Variants in SLCO1C1 observed in about 807,000 individuals in gnomAD.
The protein encoded by SLCO1C1 is OAT-RP-5.
Under a neutral mutation model 76.4 loss-of-function variants are expected in SLCO1C1, and 70 were observed. The observed-to-expected ratio is 0.92, with a 90% CI of 0.76 to 1.12. The LOEUF (loss-of-function observed/expected upper bound fraction) is 1.12, where lower values mean the gene tolerates loss of function less well. Ranked by LOEUF, SLCO1C1 falls within the 50% of genes most tolerant of loss-of-function variation. The pLI is 0.00. For synonymous variants in SLCO1C1, 306 were observed against 286.1 expected (o/e 1.07, Z -0.70); for missense variants, 912 against 823.8 (o/e 1.11, Z -1.31).
chr12:20,732,662 A>G (rs944499919), intron 9 of SLCO1C1, among the ~76,000 whole-genome samples: 7 of 152,196 alleles, frequency 4.6e-5, no homozygotes, highest in African/African-American at 1.7e-4. Context: ...AAGACCAGAA[A>G]GATTTATTGA....
In SLCO1C1 at chr12:20,709,616, T is replaced by C. The variant is rs1237571889; in HGVS notation, c.405-1770T>C. Among the ~76,000 whole-genome samples, 2 of 15,548 alleles carry C rather than the reference T, an allele frequency of 1.3e-4. 1 individual carries two copies. The highest frequency in any genetic ancestry group is 0.01 in the East Asian group (2 of 198). 10.2% of individuals were successfully genotyped at this position (15,548 alleles called of 152,430 possible). On this transcript the variant is annotated intron_variant, in intron 4 of 14. Coordinates refer to ENST00000266509, the MANE Select transcript of SLCO1C1 (RefSeq NM_017435.5). ...TTGAAAACAGGCCGGGCGCGGTGGCTCACGCCTGTAATCCCAGCACTTTGG... is the reference window on the plus strand; with the variant it reads ...TTGAAAACAGGCCGGGCGCGGTGGCCCACGCCTGTAATCCCAGCACTTTGG...
chr12:20,708,770 G>A (rs990300773), intron 4 of SLCO1C1, among the ~76,000 whole-genome samples: 3 of 152,140 alleles, frequency 2.0e-5, no homozygotes, highest in African/African-American at 7.2e-5. Flanking sequence ...GGGAATGAGA[G>A]AATATGTCAA....
At chr12:20,709,046 G>T (rs967911746) in intron 4 of SLCO1C1, among the ~76,000 whole-genome samples, 2 of 152,266 alleles carry the variant, frequency 1.3e-5, no homozygotes, top group East Asian at 1.9e-4. Context: ...TTGGAGAATT[G>T]ATTCTGGTGG....
intron 10 of SLCO1C1, 92 bp from the exon 11 acceptor site, chr12:20,737,015 C>G: frequency 8.6e-7 from 1 of 1,166,566 alleles, no homozygotes; most frequent in Non-Finnish European, 1.1e-6. Context: ...TTCATAGTAT[C>G]ATTTATATCA....
Position 20,750,932 on chromosome 12 carries a change from T to C in SLCO1C1, c.1916+140T>C, listed in dbSNP as rs574268787. The C allele has an allele frequency of 5.1e-5, 74 of 1,449,958 alleles. 1 individual carries two copies. The African/African-American group carries it at 9.6e-4, about 19-fold the overall frequency. 89.8% of individuals were successfully genotyped at this position (1,449,958 alleles called of 1,614,324 possible). A position where few individuals can be genotyped will look rare whatever the true frequency, so the allele number is the denominator to read the frequency against. On this transcript the variant is annotated intron_variant, in intron 14 of 14. Transcript: ENST00000266509. ...TCTAATCAAAAAGTGTGATCTGTAG[T>C]CATAGAATAATTATATTATTATTTG...
At chr12:20,739,798 T>G (rs1029215810) in intron 11 of SLCO1C1, among the ~76,000 whole-genome samples, 1 of 152,150 alleles carries the variant, frequency 6.6e-6, no homozygotes, top group East Asian at 1.9e-4. Flanking sequence ...CTTTACTTAC[T>G]GGGTGGAAAG....
chr12:20,732,687 ATTAAT>A (rs1223916175), intron 9 of SLCO1C1, among the ~76,000 whole-genome samples: 21 of 152,180 alleles, frequency 1.4e-4, no homozygotes, highest in Admixed American at 3.3e-4. Flanking sequence ...TTTGGTATTT[ATTAAT>A]TTAATACTCT....
chr12:20,711,396 G>T lies in SLCO1C1; in HGVS notation c.415G>T (p.Glu139Ter). The change falls in exon 5 of 15, where the codon GAG becomes TAG. Residue 139 changes from glutamate (E) to a stop codon, truncating the protein, a stop_gained. Transcript: ENST00000266509. LOFTEE classifies it high-confidence loss of function. ...ATTCCTCTTATGCAGGTACAAATATGAGAGATATTCTCCTTCCTCCAATTC... is the reference window on the plus strand; with the variant it reads ...ATTCCTCTTATGCAGGTACAAATATTAGAGATATTCTCCTTCCTCCAATTC... ...PQFFMEQYKY[E>*]RYSPSSNSTL... 1.2e-6 allele frequency: 2 copies of T among 1,612,512 alleles called. No individual in the cohort carries two copies. The highest frequency in any genetic ancestry group is 2.2e-5 in the South Asian group (2 of 90,618).
chr12:20,748,185 A>T (rs1269144828), intron 13 of SLCO1C1, among the ~76,000 whole-genome samples: 6 of 152,192 alleles, frequency 3.9e-5, no homozygotes, highest in Non-Finnish European at 7.3e-5. Context: ...ATTAGGTGAT[A>T]TATCTCTAAA....
intron 9 of SLCO1C1, among the ~76,000 whole-genome samples, chr12:20,731,003 C>T (rs991406577): frequency 2.0e-5 from 3 of 152,190 alleles, no homozygotes; most frequent in African/African-American, 4.8e-5. Context: ...TGAGTCAACA[C>T]GCCTGTGGGT....
chr12:20,714,863 G>A (rs1445740529), intron 5 of SLCO1C1, among the ~76,000 whole-genome samples: 2 of 152,134 alleles, frequency 1.3e-5, no homozygotes, highest in Admixed American at 1.3e-4. Flanking sequence ...CTCAAGGTAG[G>A]AATGAAATGA....
chr12:20,700,502 GGTTT>G (rs934593293), intron 2 of SLCO1C1, among the ~76,000 whole-genome samples: 1 of 151,114 alleles, frequency 6.6e-6, no homozygotes, highest in Non-Finnish European at 1.5e-5. Context: ...CACACGTGCA[GGTTT>G]GTTACATACG....
intron 9 of SLCO1C1, among the ~76,000 whole-genome samples, chr12:20,724,451 A>ATGTGTGTGTG (rs1376125062): frequency 4.0e-5 from 3 of 75,404 alleles, no homozygotes; most frequent in East Asian, 4.4e-4. Flanking sequence ...ATATATATAT[A>ATGTGTGTGTG]TGTGTGTGTG....
rs779755450 is a variant in SLCO1C1, at chr12:20,723,178, C to T, written c.1110C>T (p.Phe370=). 19 of 1,613,982 alleles carry T rather than the reference C, an allele frequency of 1.2e-5. No homozygotes were observed. In the African/African-American group the frequency reaches 1.3e-4, roughly 11 times the overall value. Residue 370 remains phenylalanine (F), a synonymous_variant, in exon 9 of 15, where the codon TTC becomes TTT. Transcript: ENST00000266509. ...CTSTVQFNSL[F]GMVTYKPKYI... is the part of the protein sequence containing the mutation. Reference sequence around the variant, plus strand: ...GCACTGTTCAGTTCAATTCTCTGTTCGGCATGGTGACGTACAAACCAAAGT... The same window carrying T: ...GCACTGTTCAGTTCAATTCTCTGTTTGGCATGGTGACGTACAAACCAAAGT...
chr12:20,718,975 T>A (rs1301282756), intron 7 of SLCO1C1, among the ~76,000 whole-genome samples: 2 of 152,148 alleles, frequency 1.3e-5, no homozygotes, highest in Non-Finnish European at 2.9e-5. Context: ...ATATATTTTT[T>A]AAATTTAAGG....
chr12:20,713,512 T>TA, intron 5 of SLCO1C1, among the ~76,000 whole-genome samples: 1 of 152,340 alleles, frequency 6.6e-6, no homozygotes, highest in East Asian at 1.9e-4. Context: ...AGCAGACAGA[T>TA]ACAGAGAATG....
At chr12:20,733,228 T>G (rs1056250245) in intron 10 of SLCO1C1, 124 bp downstream of exon 10, 16 of 857,262 alleles carry the variant, frequency 1.9e-5, no homozygotes, top group Non-Finnish European at 1.2e-5. Context: ...CTTAGTATTT[T>G]ATTGTGGAAT....
intron 13 of SLCO1C1, among the ~76,000 whole-genome samples, chr12:20,746,341 T>C (rs1354324340): frequency 1.5e-5 from 2 of 135,364 alleles, no homozygotes; most frequent in East Asian, 2.3e-4. Context: ...ATTCTGAAAA[T>C]TGAGAAATAA....
intron 13 of SLCO1C1, among the ~76,000 whole-genome samples, chr12:20,748,713 A>G (rs1949159639): frequency 6.6e-6 from 1 of 152,064 alleles, no homozygotes; most frequent in Non-Finnish European, 1.5e-5. Context: ...TATTTTTTTC[A>G]AGAGGCAAAG....
Sources: allele counts gnomAD v4.1 joint callset (sites outside exome capture counted in the v4.1 genomes callset), GRCh38; gene constraint gnomAD v4.1.1; transcripts MANE v1.5; gene names NCBI Gene and HGNC (gene_info 2026-07-23, HGNC 2026-07-21).